Variants in TMEM182 observed in about 807,000 individuals in gnomAD.
The protein encoded by TMEM182 is transmembrane protein 182.
Under a neutral mutation model 26.8 loss-of-function variants are expected in TMEM182, and 20 were observed. The observed-to-expected ratio is 0.75, with a 90% confidence interval of 0.53 to 1.09. The LOEUF is 1.09. Among genes scored for constraint, TMEM182 ranks in the 50% least tolerant of loss-of-function variants. TMEM182 has a pLI of 0.00. For synonymous variants in TMEM182, 109 were observed against 102.2 expected (o/e 1.07, Z -0.40); for missense variants, 277 against 275.5 (o/e 1.01, Z -0.04).
intron 3 of TMEM182, among the ~76,000 whole-genome samples, chr2:102,778,566 C>T (rs778683235): frequency 6.6e-5 from 10 of 151,814 alleles, no homozygotes; most frequent in Non-Finnish European, 1.3e-4. Flanking sequence ...TATATTTCTC[C>T]GCTTTCTTTT....
At chr2:102,756,682 C>T (rs554224573) in intron 1 of TMEM182, among the ~76,000 whole-genome samples, 3 of 152,268 alleles carry the variant, frequency 2.0e-5, no homozygotes, top group East Asian at 3.9e-4. Context: ...GCACTCTAGT[C>T]TGGGCAACAG....
intron 4 of TMEM182, among the ~76,000 whole-genome samples, chr2:102,799,529 T>C (rs150170238): frequency 0.013 from 1,956 of 152,332 alleles, 34 homozygotes; most frequent in Non-Finnish European, 0.018. Flanking sequence ...AAATTGTCCA[T>C]TTTTATGCTT....
chr2:102,838,318 G>C (rs1405781275), intron 3 of TMEM182, among the ~76,000 whole-genome samples: 1 of 152,164 alleles, frequency 6.6e-6, no homozygotes, highest in African/African-American at 2.4e-5. Flanking sequence ...TACTGAGATG[G>C]CTACATATTG....
At chr2:102,839,447 C>CTATATATATATATATATATATATATATA (rs10691405) in intron 3 of TMEM182, among the ~76,000 whole-genome samples, 1 of 134,428 alleles carries the variant, frequency 7.4e-6, no homozygotes, top group African/African-American at 2.8e-5. Context: ...TGATGTTTTG[C>CTATATATATATATATATATATATATATA]TATATATATA....
At chr2:102,827,690 G>T (rs1683061322) in intron 3 of TMEM182, among the ~76,000 whole-genome samples, 2 of 152,210 alleles carry the variant, frequency 1.3e-5, no homozygotes, top group Non-Finnish European at 2.9e-5. Context: ...TGAGTGTTAG[G>T]AAAGCAGTTG....
At chr2:102,762,410 C>T (rs115590729) in intron 1 of TMEM182, 61 bp downstream of exon 1, 635 of 1,600,120 alleles carry the variant, frequency 4.0e-4, no homozygotes, top group Non-Finnish European at 4.6e-4. Context: ...CTTATGTATG[C>T]TCTTGAAATC....
exon 4 of TMEM182, chr2:102,843,796 C>T (rs1683398770): frequency 6.6e-6 from 1 of 152,228 alleles, no homozygotes; most frequent in Non-Finnish European, 1.5e-5. Context: ...GGATGAAATG[C>T]ATACCTGCTT....
chr2:102,793,941 A>G (rs1351292195), intron 3 of TMEM182, among the ~76,000 whole-genome samples: 1 of 152,178 alleles, frequency 6.6e-6, no homozygotes, highest in Admixed American at 6.5e-5. Context: ...ATGGTGGCTC[A>G]TGCCTATAAT....
intron 1 of TMEM182, among the ~76,000 whole-genome samples, chr2:102,755,747 G>A (rs1376036821): frequency 2.0e-5 from 3 of 152,136 alleles, no homozygotes; most frequent in Admixed American, 1.3e-4. Flanking sequence ...CCCCAGTAAC[G>A]TCGTTAAGAA....
chr2:102,764,683 A>G (rs1355463126), intron 3 of TMEM182, among the ~76,000 whole-genome samples: 2 of 152,166 alleles, frequency 1.3e-5, no homozygotes, highest in East Asian at 1.9e-4. Context: ...GTTTTCCCAT[A>G]TGAAGATAGT....
intron 1 of TMEM182, among the ~76,000 whole-genome samples, chr2:102,740,387 CT>C (rs1014637915): frequency 6.6e-6 from 1 of 152,058 alleles, no homozygotes; most frequent in African/African-American, 2.4e-5. Flanking sequence ...TTATAAGGGG[CT>C]TTTCCCCCTC....
chr2:102,821,281 A>G (rs1419176086), downstream of TMEM182, among the ~76,000 whole-genome samples: 1 of 152,206 alleles, frequency 6.6e-6, no homozygotes, highest in Non-Finnish European at 1.5e-5. Context: ...TTGTCCCCAC[A>G]TCTCATGTTG....
intron 1 of TMEM182, among the ~76,000 whole-genome samples, chr2:102,743,026 T>C (rs575997406): frequency 6.6e-6 from 1 of 152,320 alleles, no homozygotes; most frequent in South Asian, 2.1e-4. Context: ...TCTTTTATTT[T>C]TCTTATTATT....
intron 3 of TMEM182, among the ~76,000 whole-genome samples, chr2:102,768,931 A>G (rs1266903693): frequency 6.6e-6 from 1 of 152,018 alleles, no homozygotes; most frequent in Non-Finnish European, 1.5e-5. Context: ...GCTGCAAGTA[A>G]CAGAAAACAA....
chr2:102,794,960 C>G (rs1304603550), intron 3 of TMEM182, among the ~76,000 whole-genome samples: 2 of 152,100 alleles, frequency 1.3e-5, no homozygotes, highest in Non-Finnish European at 2.9e-5. Context: ...GTTCCACAAG[C>G]CTTTGAAACT....
intron 3 of TMEM182, among the ~76,000 whole-genome samples, chr2:102,781,399 T>C (rs1681161041): frequency 6.6e-6 from 1 of 152,110 alleles, no homozygotes; most frequent in South Asian, 2.1e-4. Context: ...AGATACATAG[T>C]GGAGTTTTGT....
At chr2:102,758,949 C>T (rs2024414), upstream of TMEM182, among the ~76,000 whole-genome samples, 48,002 of 151,938 alleles carry the variant, frequency 0.32, 8,462 homozygotes, top group African/African-American at 0.48. Context: ...GGCATTTATC[C>T]GGGCTCTTCC....
At chr2:102,808,698 A>C (rs2732819) in intron 4 of TMEM182, among the ~76,000 whole-genome samples, 46,525 of 152,030 alleles carry the variant, frequency 0.31, 7,313 homozygotes, top group South Asian at 0.42. Flanking sequence ...TCAGTGGATA[A>C]ACAGATAAAC....
chr2:102,764,483 T>C (rs1446097833), intron 3 of TMEM182, 56 bp downstream of exon 3: 1 of 1,454,242 alleles, frequency 6.9e-7, no homozygotes, highest in Non-Finnish European at 9.5e-7. Flanking sequence ...TTCTGAAGGA[T>C]GCCCAGATCA....
Sources: gnomAD v4.1 joint callset for allele counts (sites outside exome capture counted in the v4.1 genomes callset) on GRCh38, gnomAD v4.1.1 for gene constraint, MANE v1.5 for transcripts, NCBI Gene and HGNC (gene_info 2026-07-23, HGNC 2026-07-21) for gene names.